Variants in STK35 observed in about 807,000 individuals in gnomAD.
The protein encoded by STK35 is serine/threonine-protein kinase 35.
STK35 carries 17 observed loss-of-function variants against 37.3 expected under a neutral mutation model. The observed-to-expected ratio is 0.46, with a 90% CI of 0.31 to 0.68. STK35 has a LOEUF of 0.68. Among genes scored for constraint, STK35 ranks in the 30% least tolerant of loss-of-function variants. The probability of loss-of-function intolerance (pLI) is 0.05; values close to 1 mark genes in which losing one functional copy is unlikely to be tolerated. For synonymous variants in STK35, 385 were observed against 319.1 expected (o/e 1.21, Z -2.20); for missense variants, 595 against 746.7 (o/e 0.80, Z 2.37).
At chr20:2,113,426 G>A (rs925388199) in intron 2 of STK35, among the ~76,000 whole-genome samples, 4 of 152,222 alleles carry the variant, frequency 2.6e-5, no homozygotes, top group African/African-American at 9.7e-5. Flanking sequence ...GTATAAGATA[G>A]ACTGGTGTTG....
At chr20:2,118,745 T>TTA (rs1247248971) in intron 3 of STK35, among the ~76,000 whole-genome samples, 2 of 152,266 alleles carry the variant, frequency 1.3e-5, no homozygotes, top group Admixed American at 1.3e-4. Context: ...TGTTGTAATG[T>TTA]TATAGTGCAT....
chr20:2,142,909 T>C (rs1426317252), intron 3 of STK35, among the ~76,000 whole-genome samples: 1 of 152,274 alleles, frequency 6.6e-6, no homozygotes, highest in Non-Finnish European at 1.5e-5. Context: ...CCTTGTATTC[T>C]AGGCCTCCAG....
At chr20:2,137,791 G>A (rs1200111748) in intron 3 of STK35, among the ~76,000 whole-genome samples, 1 of 152,104 alleles carries the variant, frequency 6.6e-6, no homozygotes, top group Non-Finnish European at 1.5e-5. Flanking sequence ...TCGTGCTGGG[G>A]CCACCGAACC....
chr20:2,125,014 A>T (rs1292126354), intron 3 of STK35, among the ~76,000 whole-genome samples: 2 of 152,188 alleles, frequency 1.3e-5, no homozygotes, highest in African/African-American at 4.8e-5. Flanking sequence ...GCTCTGCAGG[A>T]CTTGAAAGCA....
chr20:2,114,793 T>TAA (rs1985685346), intron 2 of STK35, among the ~76,000 whole-genome samples: 1 of 152,260 alleles, frequency 6.6e-6, no homozygotes, highest in African/African-American at 2.4e-5. Flanking sequence ...GTATATAAAA[T>TAA]AACCATCATT....
At chr20:2,138,750 C>T (rs1240077106) in intron 3 of STK35, among the ~76,000 whole-genome samples, 1 of 152,186 alleles carries the variant, frequency 6.6e-6, no homozygotes, top group African/African-American at 2.4e-5. Flanking sequence ...GGCATGGTAG[C>T]TCATGCCTGT....
rs1986262241 is a variant in STK35, at chr20:2,146,109, C to T, written c.*2363C>T. ...CAGTTCTTGCTTAGTGGCACGACCTCTTTCCATAGCATAAATGCAGGCCAG... is the reference window on the plus strand; with the variant it reads ...CAGTTCTTGCTTAGTGGCACGACCTTTTTCCATAGCATAAATGCAGGCCAG... On this transcript the variant is annotated 3_prime_UTR_variant, in exon 4 of 4. Coordinates refer to ENST00000381482, the MANE Select transcript of STK35 (RefSeq NM_080836.4). 2 of 152,272 alleles carry T rather than the reference C, an allele frequency of 1.3e-5. No individual in the cohort carries two copies. The highest frequency in any genetic ancestry group is 2.1e-4 in the South Asian group (1 of 4,834). The allele number at this position is 152,272 out of a possible 1,614,324, so 9.4% of individuals were successfully genotyped here. A position where few individuals can be genotyped will look rare whatever the true frequency, so the allele number is the denominator to read the frequency against.
intron 3 of STK35, among the ~76,000 whole-genome samples, chr20:2,118,066 G>GAGA (rs1985750389): frequency 6.6e-6 from 1 of 152,110 alleles, no homozygotes; most frequent in Non-Finnish European, 1.5e-5. Flanking sequence ...CACTATCTCT[G>GAGA]ATTGTATCCC....
At chr20:2,113,216 C>T (rs903876526) in intron 2 of STK35, among the ~76,000 whole-genome samples, 5 of 152,120 alleles carry the variant, frequency 3.3e-5, no homozygotes, top group East Asian at 1.9e-4. Context: ...CTGGGGAGGC[C>T]GGAAGACTGA....
At chr20:2,102,322 T>A in intron 1 of STK35, 147 bp downstream of exon 1, 1 of 1,145,292 alleles carries the variant, frequency 8.7e-7, no homozygotes, top group South Asian at 1.9e-5. Context: ...CCCGTCGCCC[T>A]CGGGGACTTG....
chr20:2,104,624 T>G (rs996839780), intron 2 of STK35, among the ~76,000 whole-genome samples: 9 of 152,146 alleles, frequency 5.9e-5, no homozygotes, highest in African/African-American at 2.2e-4. Context: ...TGGGGTGAGT[T>G]TGGAGGGGGT....
At chr20:2,142,307 T>A (rs1290823035) in intron 3 of STK35, among the ~76,000 whole-genome samples, 1 of 87,894 alleles carries the variant, frequency 1.1e-5, no homozygotes, top group Non-Finnish European at 2.2e-5. Context: ...CAACAGACAG[T>A]AAATTATCCA....
intron 2 of STK35, among the ~76,000 whole-genome samples, chr20:2,111,290 G>A (rs1430649535): frequency 1.3e-5 from 2 of 152,174 alleles, no homozygotes; most frequent in Admixed American, 6.5e-5. Flanking sequence ...GAAATCAGCG[G>A]TTGACTTAGT....
At chr20:2,105,414 T>A (rs564386863) in intron 2 of STK35, among the ~76,000 whole-genome samples, 2 of 152,300 alleles carry the variant, frequency 1.3e-5, no homozygotes, top group South Asian at 2.1e-4. Flanking sequence ...TCTTGCTTAC[T>A]CTCTCAACAT....
chr20:2,122,434 C>T lies in STK35; in HGVS notation c.*37+5019C>T, dbSNP rs570168128. ...GTTTTAGGATTGTAGATTTCAGAGT[C>T]GCATTTAAGTCAGGACTAACTAGTT... is the stretch of plus-strand genomic sequence containing the variant. On this transcript the variant is annotated intron_variant, in intron 3 of 3. Coordinates refer to ENST00000381482, the MANE Select transcript of STK35 (RefSeq NM_080836.4). Among the ~76,000 whole-genome samples, 37 of 152,248 alleles carry T rather than the reference C, an allele frequency of 2.4e-4. No individual in the cohort carries two copies. The South Asian group carries it at 5.6e-3, about 23-fold the overall frequency.
intron 3 of STK35, among the ~76,000 whole-genome samples, chr20:2,121,058 G>A (rs538579470): frequency 2.4e-4 from 36 of 152,330 alleles, no homozygotes; most frequent in African/African-American, 8.4e-4. Flanking sequence ...CCACTGTGAA[G>A]GTCCTGAAAG....
At chr20:2,135,602 C>A (rs6046976) in intron 3 of STK35, among the ~76,000 whole-genome samples, 1,717 of 152,324 alleles carry the variant, frequency 0.011, 40 homozygotes, top group African/African-American at 0.039. Flanking sequence ...GTGGCTCACA[C>A]CTGTAATCCC....
intron 3 of STK35, among the ~76,000 whole-genome samples, chr20:2,118,618 G>T (rs1265037016): frequency 5.3e-5 from 8 of 152,182 alleles, no homozygotes. Context: ...TTTCCTTTGT[G>T]AAGTACAGTC....
chr20:2,126,139 G>A (rs1038867339), intron 3 of STK35, among the ~76,000 whole-genome samples: 4 of 152,196 alleles, frequency 2.6e-5, no homozygotes, highest in African/African-American at 9.7e-5. Context: ...AAGGGATTCC[G>A]TCACTCATGC....
Sources: allele counts gnomAD v4.1 joint callset (sites outside exome capture counted in the v4.1 genomes callset), GRCh38; gene constraint gnomAD v4.1.1; transcripts MANE v1.5; gene names NCBI Gene and HGNC (gene_info 2026-07-23, HGNC 2026-07-21).